Variants in CAMKMT observed in about 807,000 individuals in gnomAD.
CAMKMT encodes calmodulin-lysine N-methyltransferase.
A neutral mutation model predicts 48.0 loss-of-function variants in CAMKMT; 53 were observed. The ratio of observed to expected loss-of-function variants is 1.10; its 90% confidence interval spans 0.89 to 1.39. The LOEUF (loss-of-function observed/expected upper bound fraction) is 1.39. Among genes scored for constraint, CAMKMT ranks in the 40% most tolerant of loss-of-function variants. CAMKMT has a pLI of 0.00. For missense variants in CAMKMT, 428 were observed against 402.7 expected (o/e 1.06, Z -0.54); for synonymous variants, 165 against 152.3 (o/e 1.08, Z -0.61).
chr2:44,590,965 T>C (rs1670228269), intron 3 of CAMKMT, among the ~76,000 whole-genome samples: 1 of 152,070 alleles, frequency 6.6e-6, no homozygotes, highest in Non-Finnish European at 1.5e-5. Flanking sequence ...TTCAGCTTTC[T>C]ACATATGGCT....
chr2:44,456,818 C>T (rs1667587765), intron 3 of CAMKMT: 1 of 479,650 alleles, frequency 2.1e-6, no homozygotes, highest in Non-Finnish European at 3.6e-6. Flanking sequence ...TACGATTTCT[C>T]CTTCTCCAGC....
At chr2:44,707,034 A>G (rs1677602444) in intron 5 of CAMKMT, among the ~76,000 whole-genome samples, 2 of 151,958 alleles carry the variant, frequency 1.3e-5, no homozygotes, top group African/African-American at 4.8e-5. Flanking sequence ...AAGTTATATG[A>G]AGGGCATCAG....
chr2:44,558,287 G>A (rs1668130622), intron 3 of CAMKMT, among the ~76,000 whole-genome samples: 1 of 152,080 alleles, frequency 6.6e-6, no homozygotes, highest in African/African-American at 2.4e-5. Flanking sequence ...TGAGCCTCCT[G>A]CCTTGGCCTC....
chr2:44,483,960 A>G (rs1338146687), intron 3 of CAMKMT, among the ~76,000 whole-genome samples: 1 of 152,182 alleles, frequency 6.6e-6, no homozygotes, highest in Non-Finnish European at 1.5e-5. Flanking sequence ...TTTTCTTGCA[A>G]AATCTCTAAG....
chr2:44,412,780 T>C (rs914089492), intron 3 of CAMKMT, among the ~76,000 whole-genome samples: 3 of 151,936 alleles, frequency 2.0e-5, no homozygotes, highest in African/African-American at 7.2e-5. Context: ...TGGAATGTAG[T>C]TTAAAAATAA....
chr2:44,722,939 G>C (rs971435555), intron 7 of CAMKMT, among the ~76,000 whole-genome samples: 9 of 152,184 alleles, frequency 5.9e-5, no homozygotes, highest in African/African-American at 1.2e-4. Flanking sequence ...CTGGTCCCCA[G>C]CATGAGGGGG....
chr2:44,396,980 AC>A (rs1257806184), intron 3 of CAMKMT, among the ~76,000 whole-genome samples: 6 of 149,914 alleles, frequency 4.0e-5, no homozygotes, highest in Non-Finnish European at 7.4e-5. Flanking sequence ...AATCGCTTGA[AC>A]CCAGGAGGCG....
intron 2 of CAMKMT, among the ~76,000 whole-genome samples, chr2:44,373,799 C>A (rs1486913112): frequency 2.0e-5 from 3 of 151,966 alleles, no homozygotes; most frequent in African/African-American, 7.3e-5. Context: ...CAGGAAAGAA[C>A]AATTAGAATC....
intron 2 of CAMKMT, among the ~76,000 whole-genome samples, chr2:44,389,037 A>C (rs1375284193): frequency 6.6e-6 from 1 of 152,038 alleles, no homozygotes; most frequent in Non-Finnish European, 1.5e-5. Flanking sequence ...TAATACGGAG[A>C]GGAACTGGTG....
In CAMKMT at chr2:44,627,697, C is replaced by CTTTTTTTTTTTTT. The variant is rs1174344846; in HGVS notation, c.377-76568_377-76556dup. Among the ~76,000 whole-genome samples, 48 of 75,096 alleles carry CTTTTTTTTTTTTT rather than the reference C, an allele frequency of 6.4e-4. 6 individuals carry two copies. The highest frequency in any genetic ancestry group is 9.3e-4 in the Non-Finnish European group (39 of 41,770). 49.3% of individuals were successfully genotyped at this position (75,096 alleles called of 152,430 possible). On this transcript the variant is annotated intron_variant, in intron 3 of 10. Coordinates refer to ENST00000378494, the MANE Select transcript of CAMKMT (RefSeq NM_024766.5). ...TTATTTATAATGGTCCCATTTTATC[C>CTTTTTTTTTTTTT]TTTTTTTTTTTTTTTTTTTTTTTTT...
At chr2:44,430,653 T>G (rs761769775) in intron 3 of CAMKMT, among the ~76,000 whole-genome samples, 5 of 152,142 alleles carry the variant, frequency 3.3e-5, no homozygotes, top group Non-Finnish European at 7.3e-5. Flanking sequence ...TGTTTATTGC[T>G]TACTCTTTGC....
chr2:44,623,738 C>G (rs1044827611), intron 3 of CAMKMT, among the ~76,000 whole-genome samples: 3 of 152,058 alleles, frequency 2.0e-5, no homozygotes, highest in Non-Finnish European at 4.4e-5. Context: ...AAACACCACT[C>G]CAATCAAGTT....
chr2:44,436,949 C>T (rs551246594), intron 3 of CAMKMT, among the ~76,000 whole-genome samples: 2 of 152,204 alleles, frequency 1.3e-5, no homozygotes, highest in Non-Finnish European at 2.9e-5. Flanking sequence ...CACTTCATTT[C>T]ATAACAGATA....
At chr2:44,688,649 T>C in intron 3 of CAMKMT, among the ~76,000 whole-genome samples, 1 of 152,192 alleles carries the variant, frequency 6.6e-6, no homozygotes, top group East Asian at 1.9e-4. Flanking sequence ...GAGTAGTGTT[T>C]TACCTTTTGG....
At chr2:44,537,971 A>C (rs1296534698) in intron 3 of CAMKMT, among the ~76,000 whole-genome samples, 1 of 152,224 alleles carries the variant, frequency 6.6e-6, no homozygotes, top group Admixed American at 6.5e-5. Context: ...CCAACGGAAA[A>C]GAAATCATAT....
At chr2:44,517,710 C>G (rs1437915730) in intron 3 of CAMKMT, among the ~76,000 whole-genome samples, 1 of 152,174 alleles carries the variant, frequency 6.6e-6, no homozygotes, top group Non-Finnish European at 1.5e-5. Context: ...AAGATTTTGA[C>G]AGCCATAAAT....
chr2:44,670,447 T>G (rs767428784), intron 3 of CAMKMT, among the ~76,000 whole-genome samples: 4 of 152,050 alleles, frequency 2.6e-5, no homozygotes, highest in Non-Finnish European at 4.4e-5. Flanking sequence ...ATTGCACCAC[T>G]GCACTCCAGA....
chr2:44,432,656 T>C (rs1684718823), intron 3 of CAMKMT, among the ~76,000 whole-genome samples: 1 of 152,206 alleles, frequency 6.6e-6, no homozygotes, highest in Non-Finnish European at 1.5e-5. Flanking sequence ...TCTGAAACTT[T>C]GTTTGATACT....
chr2:44,714,889 A>AT (rs1678087208), intron 6 of CAMKMT, among the ~76,000 whole-genome samples: 1 of 152,144 alleles, frequency 6.6e-6, no homozygotes, highest in South Asian at 2.1e-4. Context: ...CGCTGTGCTC[A>AT]TCCCATGTAT....
Sources: allele counts gnomAD v4.1 joint callset (sites outside exome capture counted in the v4.1 genomes callset), GRCh38; gene constraint gnomAD v4.1.1; transcripts MANE v1.5; gene names NCBI Gene and HGNC (gene_info 2026-07-23, HGNC 2026-07-21).